MAP7D2: variants seen among roughly 807,000 people sequenced by gnomAD.
The protein encoded by MAP7D2 is MAP7 domain-containing protein 2.
A neutral mutation model predicts 63.5 loss-of-function variants in MAP7D2; 33 were observed. That is an observed-to-expected ratio of 0.52 (90% CI 0.39 to 0.70). The LOEUF (loss-of-function observed/expected upper bound fraction) is 0.70. Among genes scored for constraint, MAP7D2 ranks in the 30% least tolerant of loss-of-function variants. The pLI is 0.00. For missense variants in MAP7D2, 626 were observed against 604.0 expected, an observed-to-expected ratio of 1.04 and a Z score of -0.38; for synonymous variants, 224 against 223.7, an observed-to-expected ratio of 1.00 and a Z score of -0.01.
In MAP7D2 at chrX:20,053,046, A is replaced by G; in HGVS notation, c.485-58T>C. 3.4e-6 allele frequency: 3 copies of G among 881,868 alleles called. No individual in the cohort carries two copies. The South Asian group carries it at 6.1e-5, about 18-fold the overall frequency. 72.7% of individuals were successfully genotyped at this position (881,868 alleles called of 1,213,427 possible). ...CATCACACTACTGTAGAACCAAGAA[A>G]CACATATCCCGAAGTGTCCTTCCTG... On this transcript the variant is annotated intron_variant, in intron 4 of 16. Transcript: ENST00000379643.
At chrX:20,060,938 AG>A (rs1359796553) in intron 3 of MAP7D2, among the ~76,000 whole-genome samples, 2 of 109,279 alleles carry the variant, frequency 1.8e-5, no homozygotes, top group African/African-American at 6.7e-5. Flanking sequence ...GTACAGAGCC[AG>A]GGCAGGGCTG....
At chrX:20,070,296 ATTT>A (rs1388063867) in intron 1 of MAP7D2, among the ~76,000 whole-genome samples, 2 of 102,616 alleles carry the variant, frequency 1.9e-5, no homozygotes, top group Non-Finnish European at 3.9e-5. Context: ...TTATTTATTT[ATTT>A]ATTTGTAGAG....
At position 20,015,281 on chromosome X, in the gene MAP7D2, C is replaced by T. The variant is rs774928077; in HGVS notation, c.1691G>A (p.Arg564His). 2.1e-5 allele frequency: 26 copies of T among 1,209,468 alleles called. 1 individual carries two copies. In the Admixed American group the frequency reaches 4.2e-4, roughly 19 times the overall value. The change falls in exon 12 of 17, where the codon CGT becomes CAT. Residue 564 changes from arginine to histidine, a missense_variant. Transcript: ENST00000379643. ...CAGCATAATCTGTTCTCTCTCGAGA[C>T]GCATCTGTTCAGCTACCTCCCGGGC... ...TKAREVAEQM[R>H]LEREQIMLQI...
At chrX:20,085,774 C>A (rs1041104108) in intron 1 of MAP7D2, among the ~76,000 whole-genome samples, 1 of 112,230 alleles carries the variant, frequency 8.9e-6, no homozygotes, top group Admixed American at 9.4e-5. Flanking sequence ...TGCAGTGGTG[C>A]AATCTTGGCT....
chrX:20,046,381 C>CA (rs1229153139), intron 6 of MAP7D2, among the ~76,000 whole-genome samples: 1 of 112,527 alleles, frequency 8.9e-6, no homozygotes, highest in East Asian at 2.8e-4. Context: ...ATGATTCCTA[C>CA]AAAAGCTCCA....
chrX:20,033,216 T>C (rs1324539454), intron 8 of MAP7D2, among the ~76,000 whole-genome samples: 1 of 112,427 alleles, frequency 8.9e-6, no homozygotes, highest in African/African-American at 3.2e-5. Flanking sequence ...AATAATAAAT[T>C]ACTGTTTAAG....
chrX:20,042,766 G>A, intron 7 of MAP7D2, 137 bp from the exon 8 acceptor site: 2 of 755,906 alleles, frequency 2.6e-6, no homozygotes, highest in East Asian at 6.5e-5. Flanking sequence ...CACATGACAG[G>A]CATCTTTGCG....
chrX:20,098,376 A>C (rs764669568), intron 1 of MAP7D2, among the ~76,000 whole-genome samples: 1 of 112,625 alleles, frequency 8.9e-6, no homozygotes, highest in Non-Finnish European at 1.9e-5. Context: ...CAATTTGTGC[A>C]AACAGTTAGA....
intron 11 of MAP7D2, among the ~76,000 whole-genome samples, chrX:20,015,685 T>C (rs2073361510): frequency 8.9e-6 from 1 of 112,410 alleles, no homozygotes; most frequent in Non-Finnish European, 1.9e-5. Context: ...GGTAGATAAG[T>C]AGTTCAGTTT....
intron 6 of MAP7D2, among the ~76,000 whole-genome samples, chrX:20,046,998 A>C (rs1454397977): frequency 8.9e-6 from 1 of 112,631 alleles, no homozygotes; most frequent in Non-Finnish European, 1.9e-5. Flanking sequence ...AGCACCTTGG[A>C]CTCAGACCCA....
At chrX:20,065,980 T>C (rs2065350450) in intron 1 of MAP7D2, among the ~76,000 whole-genome samples, 8 of 106,562 alleles carry the variant, frequency 7.5e-5, no homozygotes, top group Admixed American at 7.0e-4. Flanking sequence ...CGGACTGCAG[T>C]GGTGCAATCT....
chrX:20,034,203 C>T (rs1177392325), intron 8 of MAP7D2, among the ~76,000 whole-genome samples: 9 of 73,437 alleles, frequency 1.2e-4, no homozygotes, highest in Non-Finnish European at 2.1e-4. Flanking sequence ...CCAGACTGGG[C>T]GACAGAGTGA....
intron 10 of MAP7D2, among the ~76,000 whole-genome samples, chrX:20,024,347 G>A (rs959058601): frequency 1.8e-5 from 2 of 111,687 alleles, no homozygotes; most frequent in Non-Finnish European, 3.8e-5. Flanking sequence ...TGCATTCCCC[G>A]GATGATTCTG....
Position 20,023,269 on chromosome X carries a change from C to T in MAP7D2, c.1412+1682G>A, listed in dbSNP as rs147292514. On this transcript the variant is annotated intron_variant, in intron 10 of 16. Transcript: ENST00000379643. The stretch of plus-strand genomic sequence containing the variant: ...AGAAAGCTGTTGTGTAAAATGTGGG[C>T]CCTAAATCTTTTGACGCCATAGGAA... Among the ~76,000 whole-genome samples the T allele has an allele frequency of 4.9e-3, 554 of 112,715 alleles. 3 individuals carry two copies. Among genetic ancestry groups the T allele is most frequent in the African/African-American group, 0.017 (541 of 31,112 alleles).
chrX:20,016,890 C>T (rs945187545), intron 10 of MAP7D2, among the ~76,000 whole-genome samples: 3 of 112,104 alleles, frequency 2.7e-5, no homozygotes, highest in Non-Finnish European at 5.6e-5. Context: ...CCTCTATTTC[C>T]ATTTATTTTG....
intron 1 of MAP7D2, 171 bp downstream of exon 1, chrX:20,116,579 G>A: frequency 1.0e-6 from 1 of 960,152 alleles, no homozygotes; most frequent in Non-Finnish European, 1.3e-6. Flanking sequence ...AGAGGGGTGC[G>A]GCCCTTGGAT....
intron 1 of MAP7D2, among the ~76,000 whole-genome samples, chrX:20,096,115 GAAA>G (rs1274734792): frequency 1.2e-5 from 1 of 80,421 alleles, no homozygotes; most frequent in Non-Finnish European, 2.5e-5. Context: ...AAGGAAAAAA[GAAA>G]AAAAGAAAAG....
At chrX:20,068,120 G>A (rs1352575545) in intron 1 of MAP7D2, among the ~76,000 whole-genome samples, 1 of 112,265 alleles carries the variant, frequency 8.9e-6, no homozygotes, top group African/African-American at 3.2e-5. Context: ...AAGGGGTGGA[G>A]TGACTCAAAC....
At chrX:20,058,263 T>TTCA (rs753466998) in intron 3 of MAP7D2, among the ~76,000 whole-genome samples, 2 of 112,725 alleles carry the variant, frequency 1.8e-5, no homozygotes, top group Non-Finnish European at 3.7e-5. Flanking sequence ...TGCCATGTGA[T>TTCA]GCCTGAAGTA....
Sources: allele counts gnomAD v4.1 joint callset (sites outside exome capture counted in the v4.1 genomes callset), GRCh38; gene constraint gnomAD v4.1.1; transcripts MANE v1.5; gene names NCBI Gene and HGNC (gene_info 2026-07-23, HGNC 2026-07-21).